The following NLGN1 variants were observed in gnomAD, a reference collection of about 807,000 sequenced individuals.
NLGN1 encodes the protein neuroligin-1.
In NLGN1, 12 loss-of-function variants were observed where a neutral mutation model predicts 65.5. The observed-to-expected ratio is 0.18, with a 90% confidence interval of 0.12 to 0.30. The LOEUF is 0.30. Ranked by LOEUF, NLGN1 falls within the 10% of genes least tolerant of loss-of-function variation. The pLI is 1.00. For missense variants in NLGN1, 750 were observed against 1,007.1 expected (o/e 0.74, Z 3.46); for synonymous variants, 350 against 359.5 (o/e 0.97, Z 0.30).
At chr3:174,266,777 A>T (rs907637567) in intron 4 of NLGN1, among the ~76,000 whole-genome samples, 6 of 152,200 alleles carry the variant, frequency 3.9e-5, no homozygotes, top group African/African-American at 1.2e-4. Context: ...GGAATAGTTT[A>T]AAAATGTGGT....
chr3:173,808,351 A>G (rs1717122923), intron 4 of NLGN1, among the ~76,000 whole-genome samples: 2 of 152,246 alleles, frequency 1.3e-5, no homozygotes, highest in South Asian at 2.1e-4. Context: ...TTTAATTTGA[A>G]AAAACATGCA....
intron 4 of NLGN1, among the ~76,000 whole-genome samples, chr3:174,246,867 A>G (rs1209186406): frequency 6.6e-6 from 1 of 152,190 alleles, no homozygotes; most frequent in Non-Finnish European, 1.5e-5. Flanking sequence ...GGATCAGCAG[A>G]AACCAAAGAA....
intron 4 of NLGN1, among the ~76,000 whole-genome samples, chr3:174,191,779 GTTGTT>G (rs755659098): frequency 4.6e-5 from 7 of 150,602 alleles, no homozygotes; most frequent in African/African-American, 7.3e-5. Context: ...AGATTTTCAG[GTTGTT>G]TTGTTTGTTT....
At chr3:173,691,018 C>T (rs1403867888) in intron 3 of NLGN1, among the ~76,000 whole-genome samples, 8 of 151,994 alleles carry the variant, frequency 5.3e-5, no homozygotes, top group East Asian at 1.9e-4. Context: ...ATATACCTGA[C>T]GAAATATTAA....
intron 4 of NLGN1, among the ~76,000 whole-genome samples, chr3:174,210,325 G>A (rs1736221892): frequency 6.6e-6 from 1 of 152,244 alleles, no homozygotes; most frequent in Admixed American, 6.5e-5. Context: ...GGGGATGAAG[G>A]CTGTTGTCTA....
intron 2 of NLGN1, among the ~76,000 whole-genome samples, chr3:173,452,751 C>G (rs1178144393): frequency 1.3e-5 from 2 of 152,060 alleles, no homozygotes; most frequent in African/African-American, 4.8e-5. Flanking sequence ...ATTAATAGTA[C>G]AATAGGAGAT....
intron 3 of NLGN1, among the ~76,000 whole-genome samples, chr3:173,674,250 A>T (rs191464418): frequency 6.6e-6 from 1 of 152,322 alleles, no homozygotes; most frequent in African/African-American, 2.4e-5. Flanking sequence ...ATGAAAGTAA[A>T]TATATGAACA....
intron 2 of NLGN1, among the ~76,000 whole-genome samples, chr3:173,489,867 G>A (rs1170427897): frequency 2.6e-5 from 4 of 152,000 alleles, no homozygotes; most frequent in African/African-American, 9.7e-5. Context: ...GTGTCTTTTG[G>A]CTGCATAAAT....
chr3:174,263,094 T>C (rs1162586845), intron 4 of NLGN1, among the ~76,000 whole-genome samples: 2 of 147,650 alleles, frequency 1.4e-5, no homozygotes, highest in East Asian at 4.0e-4. Context: ...TGAGGAGAGC[T>C]TTACTTCCAA....
chr3:174,159,573 G>T (rs1369392211), intron 4 of NLGN1, among the ~76,000 whole-genome samples: 1 of 151,698 alleles, frequency 6.6e-6, no homozygotes, highest in African/African-American at 2.4e-5. Flanking sequence ...CAAGGTAAGA[G>T]ATTTTCTAAA....
rs567676151 is a variant in NLGN1, at chr3:173,780,927, G to A, written c.494-26753G>A. ...GAGGCCGAGGCGGGCGGATCACGAG[G>A]TCAGGAGATCGAGACCATCATGCCT... On this transcript the variant is annotated intron_variant, in intron 3 of 6. Transcript: ENST00000457714. 1.6e-4 allele frequency among the ~76,000 whole-genome samples: 24 copies of A among 152,098 alleles called. No homozygotes were observed. The East Asian group carries it at 4.5e-3, about 28-fold the overall frequency.
At chr3:173,534,250 T>TA (rs1226523768) in intron 2 of NLGN1, among the ~76,000 whole-genome samples, 2 of 152,192 alleles carry the variant, frequency 1.3e-5, no homozygotes, top group African/African-American at 4.8e-5. Flanking sequence ...ACTTTTCAGA[T>TA]AGATTCTTTT....
chr3:173,888,576 A>G (rs762874302), intron 4 of NLGN1, among the ~76,000 whole-genome samples: 49 of 152,152 alleles, frequency 3.2e-4, no homozygotes, highest in South Asian at 2.3e-3. Flanking sequence ...AAAACATCAT[A>G]AACTAAATAG....
downstream of NLGN1, among the ~76,000 whole-genome samples, chr3:174,290,727 T>G (rs887441472): frequency 1.3e-5 from 2 of 150,998 alleles, no homozygotes; most frequent in African/African-American, 4.8e-5. Flanking sequence ...AAAGGACAAA[T>G]TCACAAGGAA....
intron 2 of NLGN1, among the ~76,000 whole-genome samples, chr3:173,543,690 GATA>G (rs2149239753): frequency 6.6e-6 from 1 of 152,216 alleles, no homozygotes; most frequent in South Asian, 2.1e-4. Context: ...CTATAGGATT[GATA>G]ATGATTCTTT....
intron 4 of NLGN1, among the ~76,000 whole-genome samples, chr3:174,023,534 C>T (rs1382184333): frequency 6.6e-6 from 1 of 152,110 alleles, no homozygotes; most frequent in Non-Finnish European, 1.5e-5. Flanking sequence ...CCCATTCCTT[C>T]CTTTGAGGTG....
intron 4 of NLGN1, among the ~76,000 whole-genome samples, chr3:173,897,446 G>A (rs1329510437): frequency 1.3e-5 from 2 of 152,152 alleles, no homozygotes; most frequent in Non-Finnish European, 2.9e-5. Flanking sequence ...CTGCACTGAT[G>A]TCCTCTGCAG....
intron 3 of NLGN1, among the ~76,000 whole-genome samples, chr3:173,784,484 A>T (rs766380252): frequency 2.0e-5 from 3 of 152,162 alleles, no homozygotes; most frequent in Non-Finnish European, 2.9e-5. Flanking sequence ...TACCTACCCC[A>T]TGATTCTTAT....
chr3:173,545,468 G>A (rs994390401), intron 2 of NLGN1, among the ~76,000 whole-genome samples: 1 of 152,156 alleles, frequency 6.6e-6, no homozygotes, highest in Admixed American at 6.5e-5. Flanking sequence ...CTTTAACAAA[G>A]TATGTGGAAA....
Sources: allele counts gnomAD v4.1 joint callset (sites outside exome capture counted in the v4.1 genomes callset), GRCh38; gene constraint gnomAD v4.1.1; transcripts MANE v1.5; gene names NCBI Gene and HGNC (gene_info 2026-07-23, HGNC 2026-07-21).